ACTN4: variants seen among roughly 807,000 people sequenced by gnomAD.
ACTN4 encodes actinin alpha 4, also known as alpha-actinin-4.
A neutral mutation model predicts 114.2 loss-of-function variants in ACTN4; 18 were observed. The observed-to-expected ratio is 0.16, with a 90% CI of 0.11 to 0.23. The LOEUF is 0.23. Ranked by LOEUF, ACTN4 falls within the 10% of genes least tolerant of loss-of-function variation. The pLI, the probability that ACTN4 is intolerant of heterozygous loss-of-function variation, is 1.00. For synonymous variants in ACTN4, 515 were observed against 506.3 expected (o/e 1.02, Z -0.23); for missense variants, 722 against 1,262.9 (o/e 0.57, Z 6.49).
At chr19:38,718,157 C>T in intron 11 of ACTN4, 83 bp downstream of exon 11, 2 of 1,549,246 alleles carry the variant, frequency 1.3e-6, no homozygotes, top group South Asian at 1.2e-5. Flanking sequence ...GGTGTGCACA[C>T]ACAGCCCCCT....
At chr19:38,716,049 G>A (rs566818400) in intron 9 of ACTN4, among the ~76,000 whole-genome samples, 14 of 152,158 alleles carry the variant, frequency 9.2e-5, no homozygotes, top group South Asian at 4.2e-4. Context: ...TTACAGGCGC[G>A]CACCACCACG....
At position 38,721,148 on chromosome 19, in the gene ACTN4, G is replaced by A. The variant is rs529913717; in HGVS notation, c.1292-390G>A. On this transcript the variant is annotated intron_variant, in intron 11 of 20. Coordinates refer to ENST00000252699, the MANE Select transcript of ACTN4 (RefSeq NM_004924.6). ...ATGCTTCCCCTTCCCCAAGCCTGCTGGGACATGGGCTTTGACCCCGGGTGC... is the reference window on the plus strand; with the variant it reads ...ATGCTTCCCCTTCCCCAAGCCTGCTAGGACATGGGCTTTGACCCCGGGTGC... Among the ~76,000 whole-genome samples, 21 of 152,328 alleles carry A rather than the reference G, an allele frequency of 1.4e-4. No homozygotes were observed. In the South Asian group the frequency reaches 4.3e-3, roughly 32 times the overall value.
intron 11 of ACTN4, among the ~76,000 whole-genome samples, chr19:38,720,637 G>A (rs1003964461): frequency 2.0e-5 from 3 of 152,216 alleles, no homozygotes; most frequent in Non-Finnish European, 4.4e-5. Context: ...TGCTGTGCTC[G>A]AACACCACCT....
chr19:38,705,052 A>G (rs1339502905), intron 4 of ACTN4, 32 bp downstream of exon 4: 2 of 1,592,784 alleles, frequency 1.3e-6, no homozygotes, highest in Non-Finnish European at 8.6e-7. Context: ...CCCGCTTCCC[A>G]CCTGAGTCAG....
chr19:38,728,927 C>T (rs1000717225), intron 19 of ACTN4, 69 bp from the exon 20 acceptor site: 1 of 1,591,916 alleles, frequency 6.3e-7, no homozygotes, highest in African/African-American at 1.3e-5. Flanking sequence ...GGAGACCCCA[C>T]CAGTGTGGGC....
At chr19:38,675,425 A>G (rs980995418) in intron 1 of ACTN4, among the ~76,000 whole-genome samples, 1 of 152,018 alleles carries the variant, frequency 6.6e-6, no homozygotes, top group African/African-American at 2.4e-5. Flanking sequence ...TGTAGAGGTG[A>G]GGTCTCACCA....
chr19:38,664,538 A>C (rs1599768695), intron 1 of ACTN4, among the ~76,000 whole-genome samples: 1 of 151,992 alleles, frequency 6.6e-6, no homozygotes, highest in Admixed American at 6.6e-5. Flanking sequence ...ATCCAGGAGA[A>C]CTCCAGCCTC....
chr19:38,723,519 C>A, intron 12 of ACTN4, 95 bp from the exon 13 acceptor site: 1 of 893,312 alleles, frequency 1.1e-6, no homozygotes, highest in Non-Finnish European at 1.8e-6. Context: ...TTGACTGCCC[C>A]AACACCCTGG....
rs1248492814 is a variant in ACTN4, at chr19:38,724,780, G to A, written c.2010+215G>A. Among the ~76,000 whole-genome samples the A allele has an allele frequency of 6.6e-6, 1 of 152,232 alleles. No homozygotes were observed. Among genetic ancestry groups the A allele is most frequent in the Admixed American group, 6.5e-5 (1 of 15,290 alleles). ...GCACCTGGGGAGGCTGAGGCGGGCGGATCGCTTGAGCCCAGGAGTTCGAGA... is the reference window on the plus strand; with the variant it reads ...GCACCTGGGGAGGCTGAGGCGGGCGAATCGCTTGAGCCCAGGAGTTCGAGA... On this transcript the variant is annotated intron_variant, in intron 16 of 20. Transcript: ENST00000252699. The surrounding 1 kb of genome is among the most constrained non-coding windows in gnomAD (Gnocchi z 7.0).
At position 38,728,865 on chromosome 19, in the gene ACTN4, A is replaced by T. The variant is rs1251839365; in HGVS notation, c.2419-131A>T. ...GCCAAGGCTGCTGGAGCAGGCGGGGAACAGGGCGCACGCACACGTGGGTTG... is the reference window on the plus strand; with the variant it reads ...GCCAAGGCTGCTGGAGCAGGCGGGGTACAGGGCGCACGCACACGTGGGTTG... On this transcript the variant is annotated intron_variant, in intron 19 of 20. Transcript: ENST00000252699. 5.1e-6 allele frequency: 6 copies of T among 1,177,990 alleles called. No homozygotes were observed. In the East Asian group the frequency reaches 1.5e-4, roughly 29 times the overall value. 73.0% of individuals were successfully genotyped at this position (1,177,990 alleles called of 1,614,324 possible).
chr19:38,712,957 T>C (rs1316544319), intron 8 of ACTN4, among the ~76,000 whole-genome samples: 1 of 135,232 alleles, frequency 7.4e-6, no homozygotes, highest in Non-Finnish European at 1.7e-5. Context: ...CACTGGCCCC[T>C]CTCTGAGGGG....
At chr19:38,705,131 T>G in intron 4 of ACTN4, 111 bp downstream of exon 4, 1 of 1,047,496 alleles carries the variant, frequency 9.5e-7, no homozygotes, top group Non-Finnish European at 1.5e-6. Flanking sequence ...TTGGGGTCAC[T>G]CACAGGGCCT....
In ACTN4 at chr19:38,731,091, C is replaced by T. The variant is rs1248249060; in HGVS notation, c.*1659C>T. The T allele has an allele frequency of 1.3e-6, 2 of 1,586,230 alleles. No homozygotes were observed. The highest frequency in any genetic ancestry group is 1.7e-5 in the Admixed American group (1 of 58,178). On this transcript the variant is annotated 3_prime_UTR_variant, in exon 21 of 21. Transcript: ENST00000252699. Reference sequence around the variant, plus strand: ...CCCCTTCCCCCCATGCCCCACCATGCCGGGGTGGTACTCACAGAAGATGCA... The same window carrying T: ...CCCCTTCCCCCCATGCCCCACCATGTCGGGGTGGTACTCACAGAAGATGCA...
At chr19:38,669,550 G>A (rs577405815) in intron 1 of ACTN4, among the ~76,000 whole-genome samples, 24 of 152,312 alleles carry the variant, frequency 1.6e-4, no homozygotes, top group African/African-American at 4.8e-4. Flanking sequence ...GGTAGCTGGG[G>A]AGGAGATCAC....
At chr19:38,663,974 G>A (rs1265710742) in intron 1 of ACTN4, among the ~76,000 whole-genome samples, 1 of 152,186 alleles carries the variant, frequency 6.6e-6, no homozygotes, top group Non-Finnish European at 1.5e-5. Context: ...CATGTCCAAG[G>A]GTCTCCCCAA....
chr19:38,716,446 G>T (rs956388845), intron 9 of ACTN4, among the ~76,000 whole-genome samples: 1 of 152,220 alleles, frequency 6.6e-6, no homozygotes, highest in Non-Finnish European at 1.5e-5. Flanking sequence ...TGAAGACAGC[G>T]GCAGTGGGGC....
At chr19:38,712,705 C>T (rs374812537) in intron 8 of ACTN4, among the ~76,000 whole-genome samples, 2 of 152,106 alleles carry the variant, frequency 1.3e-5, no homozygotes, top group East Asian at 1.9e-4. Flanking sequence ...ATGGACGATT[C>T]GTCACCACAG....
rs764804381 is a variant in ACTN4, at chr19:38,717,250, G to A, written c.1077G>A (p.Thr359=). The A allele has an allele frequency of 4.3e-5, 70 of 1,614,008 alleles. 1 individual carries two copies. In the Admixed American group the frequency reaches 1.0e-3, roughly 24 times the overall value. The change falls in exon 10 of 21, where the codon ACG becomes ACA. Residue 359 remains threonine, a synonymous_variant. Transcript: ENST00000252699. This position sits in a 1 kb window ranked among gnomAD's most constrained non-coding sequence, Gnocchi z 4.0. ...EKCQLEINFN[T]LQTKLRLSNR... ...GCCAGCTGGAGATCAACTTCAACAC[G>A]CTGCAGACCAAGCTGCGCCTCAGCA...
At chr19:38,701,226 CTTGGGGCACTCAGAGCCCCAG>C (rs940169121) in intron 3 of ACTN4, 105 bp downstream of exon 3, 1 of 1,566,846 alleles carries the variant, frequency 6.4e-7, no homozygotes, top group African/African-American at 1.3e-5. Flanking sequence ...TGGCAGGGCG[CTTGGGGCACTCAGAGCCCCAG>C]TACATACTCA....
Sources: allele counts gnomAD v4.1 joint callset (sites outside exome capture counted in the v4.1 genomes callset), GRCh38; gene constraint gnomAD v4.1.1; non-coding constraint Gnocchi (gnomAD v3.1); transcripts MANE v1.5; gene names NCBI Gene and HGNC (gene_info 2026-07-23, HGNC 2026-07-21).